Variants in EYA1 observed in about 807,000 individuals in gnomAD.
EYA1 encodes the protein EYA transcriptional coactivator and phosphatase 1, also known as protein phosphatase EYA1.
EYA1 carries 16 observed loss-of-function variants against 82.0 expected under a neutral mutation model. The ratio of observed to expected loss-of-function variants is 0.20; its 90% CI spans 0.13 to 0.30. The LOEUF (loss-of-function observed/expected upper bound fraction) is 0.30. Among genes scored for constraint, EYA1 ranks in the 10% least tolerant of loss-of-function variants. The pLI is 1.00. For missense variants in EYA1, 633 were observed against 730.7 expected (o/e 0.87, Z 1.54); for synonymous variants, 261 against 264.4 (o/e 0.99, Z 0.12).
chr8:71,321,409 C>T (rs550400435), intron 6 of EYA1, among the ~76,000 whole-genome samples: 6 of 152,298 alleles, frequency 3.9e-5, no homozygotes, highest in South Asian at 4.2e-4. Context: ...CATTCACAGA[C>T]GTTTTATCAC....
intron 17 of EYA1, among the ~76,000 whole-genome samples, chr8:71,204,402 CAAAGTTTTT>C (rs1453424730): frequency 2.6e-5 from 4 of 152,202 alleles, no homozygotes; most frequent in Non-Finnish European, 5.9e-5. Flanking sequence ...TACAATGTTT[CAAAGTTTTT>C]AAAGCATATA....
intron 2 of EYA1, among the ~76,000 whole-genome samples, chr8:71,390,813 C>G (rs7002554): frequency 0.41 from 62,161 of 151,862 alleles, 12,892 homozygotes; most frequent in Middle Eastern, 0.45. Flanking sequence ...CTGAGACTCT[C>G]TTATTCAATC....
chr8:71,284,985 G>A (rs1423671008), intron 9 of EYA1, among the ~76,000 whole-genome samples: 1 of 152,130 alleles, frequency 6.6e-6, no homozygotes, highest in East Asian at 1.9e-4. Flanking sequence ...TGTACACATA[G>A]TTTTCTTTAG....
In EYA1 at chr8:71,353,233, C is replaced by T. The variant is rs533589710; in HGVS notation, c.124+1549G>A. ...TGAGGCCTGCCGGCGCAGGGACCTG[C>T]GGCAGTCTGGGTGACTATATCCACA... On this transcript the variant is annotated intron_variant, in intron 3 of 17. Coordinates refer to ENST00000340726, the MANE Select transcript of EYA1 (RefSeq NM_000503.6). Among the ~76,000 whole-genome samples the T allele has an allele frequency of 6.6e-5, 10 of 152,298 alleles. No homozygotes were observed. The East Asian group carries it at 1.2e-3, about 18-fold the overall frequency.
At chr8:71,218,611 T>C (rs1809502488) in intron 12 of EYA1, among the ~76,000 whole-genome samples, 1 of 152,212 alleles carries the variant, frequency 6.6e-6, no homozygotes, top group African/African-American at 2.4e-5. Flanking sequence ...AGCCCTCACA[T>C]GCTGACTGTG....
intron 2 of EYA1, among the ~76,000 whole-genome samples, chr8:71,499,995 T>C (rs1300664659): frequency 2.0e-5 from 3 of 152,060 alleles, no homozygotes; most frequent in African/African-American, 7.2e-5. Flanking sequence ...TGAGGAATGA[T>C]GGGGCTGGAT....
chr8:71,270,533 C>T (rs1210328214), intron 10 of EYA1, among the ~76,000 whole-genome samples: 1 of 152,202 alleles, frequency 6.6e-6, no homozygotes, highest in African/African-American at 2.4e-5. Context: ...TGTTTTACTT[C>T]TTCCTATTCC....
chr8:71,419,188 G>A (rs1288417747), intron 2 of EYA1, among the ~76,000 whole-genome samples: 1 of 152,082 alleles, frequency 6.6e-6, no homozygotes, highest in Non-Finnish European at 1.5e-5. Flanking sequence ...TTGCTACTGT[G>A]CAGAAAACAA....
intron 7 of EYA1, among the ~76,000 whole-genome samples, chr8:71,313,017 C>T (rs9298170): frequency 0.17 from 26,608 of 152,058 alleles, 2,336 homozygotes; most frequent in Admixed American, 0.23. Flanking sequence ...CTGCAGGGCC[C>T]ATGACCAACA....
intron 3 of EYA1, among the ~76,000 whole-genome samples, chr8:71,348,998 A>G (rs772621363): frequency 8.5e-5 from 13 of 152,204 alleles, no homozygotes; most frequent in Non-Finnish European, 1.8e-4. Flanking sequence ...CCCCAATCCA[A>G]ATGTGCATAT....
At position 71,406,816 on chromosome 8, in the gene EYA1, C is replaced by T. The variant is rs1332155454; in HGVS notation, c.34-50305G>A. Among the ~76,000 whole-genome samples, 371 of 146,112 alleles carry T rather than the reference C, an allele frequency of 2.5e-3. 4 individuals carry two copies. Among genetic ancestry groups the T allele is most frequent in the African/African-American group, 8.9e-3 (357 of 40,004 alleles). The stretch of plus-strand genomic sequence containing the variant: ...TGGGGGAGGGGCGCCCGCCATTGCC[C>T]AGGCTTGCTTAGGTAAACAAAGCAG... On this transcript the variant is annotated intron_variant, in intron 2 of 18. Transcript: ENST00000643681.
At chr8:71,210,663 G>A (rs146211025) in intron 17 of EYA1, among the ~76,000 whole-genome samples, 9 of 152,352 alleles carry the variant, frequency 5.9e-5, no homozygotes, top group African/African-American at 2.2e-4. Flanking sequence ...CCCTGAGAGA[G>A]ACAGGTAGGA....
At chr8:71,238,921 T>C (rs1341970037) in intron 12 of EYA1, among the ~76,000 whole-genome samples, 2 of 152,104 alleles carry the variant, frequency 1.3e-5, no homozygotes, top group African/African-American at 2.4e-5. Context: ...ATGTTTGCTA[T>C]CAGTAGAATA....
At chr8:71,277,114 C>CT (rs1817267208) in intron 9 of EYA1, among the ~76,000 whole-genome samples, 2 of 90,640 alleles carry the variant, frequency 2.2e-5, no homozygotes, top group South Asian at 4.4e-4. Flanking sequence ...TGGCTTCACA[C>CT]ATTTTTTTTT....
At chr8:71,387,365 T>C (rs567894584) in intron 2 of EYA1, among the ~76,000 whole-genome samples, 3 of 152,270 alleles carry the variant, frequency 2.0e-5, no homozygotes, top group African/African-American at 7.2e-5. Flanking sequence ...AGAAGTAACA[T>C]GGTCATCTGT....
chr8:71,406,528 G>C (rs554041787), intron 2 of EYA1, among the ~76,000 whole-genome samples: 3 of 152,128 alleles, frequency 2.0e-5, no homozygotes, highest in East Asian at 1.9e-4. Context: ...CACCGTGTGC[G>C]AGCCGAAGCA....
chr8:71,528,096 A>T (rs1563706465), intron 2 of EYA1, among the ~76,000 whole-genome samples: 1 of 152,044 alleles, frequency 6.6e-6, no homozygotes, highest in African/African-American at 2.4e-5. Flanking sequence ...ACACAAGTTC[A>T]TAGTTCTTTA....
intron 11 of EYA1, among the ~76,000 whole-genome samples, chr8:71,269,069 T>C (rs1816205837): frequency 6.6e-6 from 1 of 152,218 alleles, no homozygotes. Context: ...GGGAAAGACT[T>C]ATGAAATCAT....
chr8:71,340,780 A>T (rs1346197233), intron 3 of EYA1, among the ~76,000 whole-genome samples: 3 of 151,048 alleles, frequency 2.0e-5, no homozygotes, highest in African/African-American at 4.9e-5. Context: ...ACTCAGCTAC[A>T]TTTTTTTTTA....
Sources: gnomAD v4.1 joint callset for allele counts (sites outside exome capture counted in the v4.1 genomes callset) on GRCh38, gnomAD v4.1.1 for gene constraint, MANE v1.5 for transcripts, NCBI Gene and HGNC (gene_info 2026-07-23, HGNC 2026-07-21) for gene names.